The following EML4 variants were observed in gnomAD, a reference collection of about 807,000 sequenced individuals.
EML4 encodes EMAP like 4, also known as echinoderm microtubule-associated protein-like 4.
EML4 carries 72 observed loss-of-function variants against 129.0 expected under a neutral mutation model. That is an observed-to-expected ratio of 0.56 (90% CI 0.46 to 0.68). The LOEUF is 0.68. Among genes scored for constraint, EML4 ranks in the 30% least tolerant of loss-of-function variants. The pLI is 0.00. For synonymous variants in EML4, 532 were observed against 405.0 expected (o/e 1.31, Z -3.77); for missense variants, 1,363 against 1,190.6 (o/e 1.14, Z -2.13).
At chr2:42,284,945 TG>T (rs911834617) in intron 9 of EML4, among the ~76,000 whole-genome samples, 1 of 152,158 alleles carries the variant, frequency 6.6e-6, no homozygotes, top group Non-Finnish European at 1.5e-5. Context: ...ACTGTAAAAA[TG>T]GGAAAACTGA....
At chr2:42,314,674 A>G (rs752194013) in intron 17 of EML4, among the ~76,000 whole-genome samples, 16 of 152,142 alleles carry the variant, frequency 1.1e-4, no homozygotes, top group Non-Finnish European at 2.2e-4. Flanking sequence ...TCACTTATTC[A>G]TTCTGCAGAT....
At chr2:42,327,784 C>T (rs1034984674) in intron 21 of EML4, among the ~76,000 whole-genome samples, 3 of 152,330 alleles carry the variant, frequency 2.0e-5, no homozygotes, top group Admixed American at 1.3e-4. Flanking sequence ...AATTAAAATA[C>T]TGGATATGGA....
chr2:42,280,861 A>C lies in EML4; in HGVS notation c.679A>C (p.Ile227Leu), dbSNP rs759320760. The change falls in exon 7 of 23, where the codon ATT (isoleucine) becomes CTT (leucine). Residue 227 changes from isoleucine (I) to leucine (L), a missense_variant. By Grantham distance (5) the Ile-to-Leu change is conservative (BLOSUM62 2). Coordinates refer to ENST00000318522, the MANE Select transcript of EML4 (RefSeq NM_019063.5). ...TTGTGTTTCAACAGAAGGAGAATAT[A>C]TTAAAATGTTTATGCGCGGTCGGCC... ...DVIINQEGEY[I>L]KMFMRGRPIT... 3.1e-6 allele frequency: 5 copies of C among 1,608,228 alleles called. No homozygotes were observed. Among genetic ancestry groups the C allele is most frequent in the Non-Finnish European group, 3.4e-6 (4 of 1,177,884 alleles).
intron 1 of EML4, among the ~76,000 whole-genome samples, chr2:42,175,571 T>G (rs1273045348): frequency 6.6e-6 from 1 of 152,092 alleles, no homozygotes; most frequent in African/African-American, 2.4e-5. Flanking sequence ...CAGTCTTGGC[T>G]CACTGCAACT....
chr2:42,254,192 C>T lies in EML4; in HGVS notation c.209-2309C>T, dbSNP rs191682557. Among the ~76,000 whole-genome samples, 37 of 152,216 alleles carry T rather than the reference C, an allele frequency of 2.4e-4. No homozygotes were observed. The Middle Eastern group carries it at 0.01, about 42-fold the overall frequency. ...ATTGGTGGTCGGGCACAGTGGCTCA[C>T]GCTTATAATCTCAGCACTTTGGGAG... is the stretch of plus-strand genomic sequence containing the variant. On this transcript the variant is annotated intron_variant, in intron 2 of 22. Transcript: ENST00000318522.
In EML4 at chr2:42,331,520, T is replaced by A; in HGVS notation, c.*1313T>A. 4.5e-6 allele frequency: 1 copy of A among 223,730 alleles called. No homozygotes were observed. Among genetic ancestry groups the A allele is most frequent in the Non-Finnish European group, 8.9e-6 (1 of 111,906 alleles). 13.9% of individuals were successfully genotyped at this position (223,730 alleles called of 1,614,324 possible). ...TGTTTATACTTTGATTATAAAAAAG[T>A]ATTTTGTTTTGATTTTTTAACTTGC... is the stretch of plus-strand genomic sequence containing the variant. On this transcript the variant is annotated 3_prime_UTR_variant, in exon 23 of 23. Coordinates refer to ENST00000318522, the MANE Select transcript of EML4 (RefSeq NM_019063.5).
intron 1 of EML4, among the ~76,000 whole-genome samples, chr2:42,240,492 A>G (rs946440417): frequency 1.3e-5 from 2 of 152,140 alleles, no homozygotes; most frequent in African/African-American, 2.4e-5. Flanking sequence ...GTGTGTGTCT[A>G]TCAATTATTC....
chr2:42,257,343 A>G (rs1183852142), intron 3 of EML4, among the ~76,000 whole-genome samples: 6 of 152,200 alleles, frequency 3.9e-5, no homozygotes, highest in Admixed American at 6.5e-5. Flanking sequence ...AAATCTTAAA[A>G]CCGTTTTCTT....
At chr2:42,213,126 A>G (rs1407593217) in intron 1 of EML4, among the ~76,000 whole-genome samples, 4 of 152,198 alleles carry the variant, frequency 2.6e-5, no homozygotes, top group Admixed American at 6.5e-5. Context: ...CCCACTTCTT[A>G]AAAATGTAAA....
chr2:42,173,279 T>A (rs1050992464), intron 1 of EML4, among the ~76,000 whole-genome samples: 9 of 152,180 alleles, frequency 5.9e-5, no homozygotes, highest in African/African-American at 1.9e-4. Flanking sequence ...CATGAAAATG[T>A]TTTTCATGTA....
At chr2:42,275,695 C>T (rs1460647196) in intron 6 of EML4, among the ~76,000 whole-genome samples, 1 of 152,178 alleles carries the variant, frequency 6.6e-6, no homozygotes, top group Admixed American at 6.5e-5. Context: ...AAACCAAGGT[C>T]TGTATCACAA....
intron 17 of EML4, among the ~76,000 whole-genome samples, chr2:42,310,533 A>G (rs949333141): frequency 2.6e-5 from 4 of 152,108 alleles, no homozygotes; most frequent in African/African-American, 7.2e-5. Context: ...TTCAGTAGAG[A>G]CAGGGTTTCA....
intron 1 of EML4, among the ~76,000 whole-genome samples, chr2:42,173,529 T>C (rs1488416676): frequency 1.3e-5 from 2 of 152,192 alleles, no homozygotes; most frequent in Non-Finnish European, 2.9e-5. Context: ...CTTTTTGCCC[T>C]TTAGGAGCTT....
chr2:42,228,992 G>T lies in EML4; in HGVS notation c.26-16513G>T, dbSNP rs114250921. Among the ~76,000 whole-genome samples the T allele has an allele frequency of 4.9e-3, 739 of 152,206 alleles. 6 individuals are homozygous for T. Among genetic ancestry groups the T allele is most frequent in the African/African-American group, 0.017 (704 of 41,538 alleles). On this transcript the variant is annotated intron_variant, in intron 1 of 22. Coordinates refer to ENST00000318522, the MANE Select transcript of EML4 (RefSeq NM_019063.5). ...TTTTCTGATGATTAAATGAAATTTA[G>T]TGAGTAAACAAATCAGTAAAATATA... is the stretch of plus-strand genomic sequence containing the variant.
chr2:42,326,378 C>T (rs1174258555), intron 21 of EML4, 126 bp downstream of exon 21: 20 of 631,982 alleles, frequency 3.2e-5, no homozygotes, highest in South Asian at 1.5e-4. Flanking sequence ...TTAATGTCAG[C>T]CTCAGAGAAA....
chr2:42,328,806 A>T lies in EML4; in HGVS notation c.2342-80A>T, dbSNP rs995879486. ...CATAGATAAAAGCTAAACAGATTCT[A>T]AAATAAAATAAACATATATAGCATC... On this transcript the variant is annotated intron_variant, in intron 21 of 22. Coordinates refer to ENST00000318522, the MANE Select transcript of EML4 (RefSeq NM_019063.5). 24 of 1,160,168 alleles carry T rather than the reference A, an allele frequency of 2.1e-5. No individual in the cohort carries two copies. In the Admixed American group the frequency reaches 4.7e-4, roughly 23 times the overall value. 71.9% of individuals were successfully genotyped at this position (1,160,168 alleles called of 1,614,324 possible).
At position 42,325,511 on chromosome 2, in the gene EML4, C is replaced by T. The variant is rs1423638361; in HGVS notation, c.2199C>T (p.Asn733=). The change falls in exon 20 of 23, where the codon AAC becomes AAT. Residue 733 remains asparagine, a synonymous_variant. Transcript: ENST00000318522. Reference sequence around the variant, plus strand: ...CACACCTTGACTGGTCCCCAGACAACAAGTATATAATGTCTAACTCGGGAG... The same window carrying T: ...CACACCTTGACTGGTCCCCAGACAATAAGTATATAATGTCTAACTCGGGAG... The part of the protein sequence containing the change: ...YITHLDWSPD[N]KYIMSNSGDY... 2 of 1,577,774 alleles carry T rather than the reference C, an allele frequency of 1.3e-6. No individual in the cohort carries two copies. The highest frequency in any genetic ancestry group is 1.7e-5 in the Admixed American group (1 of 58,668).
At chr2:42,169,705 C>T (rs1222530436) in intron 1 of EML4, 69 bp downstream of exon 1, 2 of 1,541,028 alleles carry the variant, frequency 1.3e-6, no homozygotes, top group African/African-American at 1.4e-5. Context: ...GCACACAGCC[C>T]AGGCCCTGCC....
At chr2:42,247,358 C>T (rs1428075292) in intron 2 of EML4, among the ~76,000 whole-genome samples, 3 of 152,006 alleles carry the variant, frequency 2.0e-5, no homozygotes, top group African/African-American at 7.3e-5. Context: ...AATGGAAGAC[C>T]GTAGACATTT....
Sources: allele counts gnomAD v4.1 joint callset (sites outside exome capture counted in the v4.1 genomes callset), GRCh38; gene constraint gnomAD v4.1.1; transcripts MANE v1.5; gene names NCBI Gene and HGNC (gene_info 2026-07-23, HGNC 2026-07-21).